The following HIKESHI variants were observed in gnomAD, a reference collection of about 807,000 sequenced individuals.
HIKESHI encodes the protein heat shock protein nuclear import factor hikeshi.
HIKESHI carries 13 observed loss-of-function variants against 25.7 expected under a neutral mutation model. The ratio of observed to expected loss-of-function variants is 0.51; its 90% CI spans 0.33 to 0.80. The LOEUF is 0.80. Ranked by LOEUF, HIKESHI falls within the 30% of genes least tolerant of loss-of-function variation. The probability of loss-of-function intolerance (pLI) is 0.02; values close to 1 mark genes in which losing one functional copy is unlikely to be tolerated. For missense variants in HIKESHI, 174 were observed against 229.5 expected, an observed-to-expected ratio of 0.76 and a Z score of 1.56; for synonymous variants, 76 against 78.7, an observed-to-expected ratio of 0.97 and a Z score of 0.18.
At chr11:86,339,971 A>G (rs748612267) in intron 3 of HIKESHI, among the ~76,000 whole-genome samples, 25 of 151,524 alleles carry the variant, frequency 1.6e-4, no homozygotes, top group Non-Finnish European at 2.8e-4. Flanking sequence ...TCATTGTTCA[A>G]TTCCCACCTA....
intron 2 of HIKESHI, among the ~76,000 whole-genome samples, chr11:86,308,140 AAT>A (rs1435243085): frequency 7.6e-6 from 1 of 130,844 alleles, no homozygotes; most frequent in African/African-American, 3.0e-5. Flanking sequence ...TTACATGTAA[AAT>A]ATATATTGTA....
At position 86,317,497 on chromosome 11, in the gene HIKESHI, A is replaced by T. The variant is rs149508436; in HGVS notation, c.268+11015A>T. Among the ~76,000 whole-genome samples, 1,258 of 152,332 alleles carry T rather than the reference A, an allele frequency of 8.3e-3. 10 individuals are homozygous for T. The highest frequency in any genetic ancestry group is 0.016 in the South Asian group (76 of 4,824). On this transcript the variant is annotated intron_variant, in intron 2 of 4. Coordinates refer to ENST00000278483, the MANE Select transcript of HIKESHI (RefSeq NM_016401.4). ...GTTCTTTGAAAAGACTGATGAAAAG[A>T]TGAGCCTCTAAAAGGTTGAATCAAG... is the stretch of plus-strand genomic sequence containing the variant.
At chr11:86,344,488 C>G in intron 3 of HIKESHI, 115 bp from the exon 4 acceptor site, 1 of 686,864 alleles carries the variant, frequency 1.5e-6, no homozygotes, top group Admixed American at 3.1e-5. Flanking sequence ...ATTAGACTCT[C>G]TTAGAACTGA....
At chr11:86,328,604 C>T (rs147902428) in intron 2 of HIKESHI, among the ~76,000 whole-genome samples, 2,037 of 151,956 alleles carry the variant, frequency 0.013, 49 homozygotes, top group African/African-American at 0.047. Context: ...CCACCACGCC[C>T]GGCTAATTTT....
intron 2 of HIKESHI, among the ~76,000 whole-genome samples, chr11:86,331,801 T>G (rs1435367495): frequency 6.6e-6 from 1 of 152,156 alleles, no homozygotes; most frequent in Non-Finnish European, 1.5e-5. Context: ...TGTCTAGGTA[T>G]CAATAGAAAT....
intron 2 of HIKESHI, among the ~76,000 whole-genome samples, chr11:86,307,971 A>G (rs1593806027): frequency 1.3e-5 from 1 of 74,526 alleles, no homozygotes; most frequent in South Asian, 4.0e-4. Flanking sequence ...TATAAAATAT[A>G]TATGTGTAAT....
intron 3 of HIKESHI, among the ~76,000 whole-genome samples, chr11:86,342,407 T>C (rs1054877422): frequency 6.6e-6 from 1 of 152,116 alleles, no homozygotes; most frequent in Non-Finnish European, 1.5e-5. Flanking sequence ...TTTTATGATT[T>C]GTGGATTTGT....
intron 2 of HIKESHI, among the ~76,000 whole-genome samples, chr11:86,307,001 A>G (rs2138287169): frequency 7.1e-6 from 1 of 140,602 alleles, no homozygotes; most frequent in East Asian, 2.3e-4. Context: ...CTCTGTCTCA[A>G]AGAAAAAAAA....
intron 3 of HIKESHI, chr11:86,343,937 A>C (rs537310713): frequency 1.3e-5 from 2 of 152,362 alleles, no homozygotes; most frequent in East Asian, 3.9e-4. Context: ...GAGTCCATTT[A>C]CTTCTAGCTT....
At chr11:86,325,596 G>A (rs185356735) in intron 2 of HIKESHI, among the ~76,000 whole-genome samples, 5 of 152,102 alleles carry the variant, frequency 3.3e-5, no homozygotes, top group East Asian at 3.9e-4. Flanking sequence ...ACATGTGGCC[G>A]GGTGTGGTGG....
rs956729418 is a variant in HIKESHI, at chr11:86,302,463, G to T, written c.15G>T (p.Leu5Phe). The T allele has an allele frequency of 2.6e-6, 4 of 1,558,114 alleles. No homozygotes were observed. Among genetic ancestry groups the T allele is most frequent in the Non-Finnish European group, 3.5e-6 (4 of 1,150,782 alleles). The change falls in exon 1 of 5, where the codon TTG (leucine) becomes TTT (phenylalanine). Residue 5 changes from leucine to phenylalanine, a missense_variant. Leu to Phe is a conservative substitution (Grantham distance 22). Coordinates refer to ENST00000278483, the MANE Select transcript of HIKESHI (RefSeq NM_016401.4). ...CTGCCGTCGCCATGTTTGGCTGCTT[G>T]GTGGCGGGGAGGCTGGTGAGGATGG... MFGC[L>F]VAGRLVQTAA...
chr11:86,306,453 C>A lies in HIKESHI; in HGVS notation c.239C>A (p.Ala80Asp). 6.2e-7 allele frequency: 1 copy of A among 1,610,718 alleles called. No homozygotes were observed. The highest frequency in any genetic ancestry group is 8.5e-7 in the Non-Finnish European group (1 of 1,177,220). Residue 80 changes from alanine (A) to aspartate (D), a missense_variant, in exon 2 of 5, where the codon GCC becomes GAC. Coordinates refer to ENST00000278483, the MANE Select transcript of HIKESHI (RefSeq NM_016401.4). ...LGFVTNGKPSAIFKISGLKSG... is the reference protein window; with the variant it reads ...LGFVTNGKPSDIFKISGLKSG... ...TTTGTCACGAATGGGAAGCCAAGTG[C>A]CATCTTCAAAATTTCAGGTCTTAAA...
At chr11:86,342,292 A>G (rs1389734263) in intron 3 of HIKESHI, among the ~76,000 whole-genome samples, 1 of 152,180 alleles carries the variant, frequency 6.6e-6, no homozygotes, top group Non-Finnish European at 1.5e-5. Context: ...TTGTAAATAC[A>G]TTGCATTTTT....
intron 2 of HIKESHI, among the ~76,000 whole-genome samples, chr11:86,306,708 TA>T (rs1946632969): frequency 6.6e-6 from 1 of 152,068 alleles, no homozygotes; most frequent in Admixed American, 6.6e-5. Context: ...TTCATAAAAA[TA>T]TTTTTTTTGG....
At chr11:86,319,242 A>ATATATATTT (rs1383589741) in intron 2 of HIKESHI, among the ~76,000 whole-genome samples, 238 of 94,928 alleles carry the variant, frequency 2.5e-3, no homozygotes, top group African/African-American at 0.011. Context: ...ATATATATAT[A>ATATATATTT]TTTTTTTTTT....
At chr11:86,335,334 G>C (rs1240438855) in intron 2 of HIKESHI, among the ~76,000 whole-genome samples, 2 of 152,200 alleles carry the variant, frequency 1.3e-5, no homozygotes, top group Non-Finnish European at 2.9e-5. Flanking sequence ...GTTGCCCGAG[G>C]CAAAGGAAAA....
intron 2 of HIKESHI, among the ~76,000 whole-genome samples, chr11:86,329,260 A>C (rs1947362389): frequency 1.3e-5 from 2 of 149,928 alleles, no homozygotes; most frequent in African/African-American, 4.9e-5. Context: ...TATTTGTTTT[A>C]AATTGGTAGT....
chr11:86,334,449 G>A (rs1306248759), intron 2 of HIKESHI, among the ~76,000 whole-genome samples: 1 of 152,004 alleles, frequency 6.6e-6, no homozygotes, highest in Non-Finnish European at 1.5e-5. Flanking sequence ...ATTAGCTGCT[G>A]CATTTACTGT....
At chr11:86,340,754 C>T (rs1947703488) in intron 3 of HIKESHI, among the ~76,000 whole-genome samples, 1 of 152,162 alleles carries the variant, frequency 6.6e-6, no homozygotes, top group African/African-American at 2.4e-5. Context: ...AAGCAATTCT[C>T]CTGTCTCAGC....
Sources: allele counts gnomAD v4.1 joint callset (sites outside exome capture counted in the v4.1 genomes callset), GRCh38; gene constraint gnomAD v4.1.1; transcripts MANE v1.5; gene names NCBI Gene and HGNC (gene_info 2026-07-23, HGNC 2026-07-21).